The following PPP2R2C variants were observed in gnomAD, a reference collection of about 807,000 sequenced individuals.
PPP2R2C encodes protein phosphatase 2 regulatory subunit Bgamma.
Under a neutral mutation model 45.3 loss-of-function variants are expected in PPP2R2C, and 10 were observed. That is an observed-to-expected ratio of 0.22 (90% CI 0.14 to 0.37). The LOEUF (loss-of-function observed/expected upper bound fraction) is 0.37, where lower values mean the gene tolerates loss of function less well. Among genes scored for constraint, PPP2R2C ranks in the 10% least tolerant of loss-of-function variants. The probability of loss-of-function intolerance (pLI) is 1.00; values close to 1 mark genes in which losing one functional copy is unlikely to be tolerated. For missense variants in PPP2R2C, 308 were observed against 619.7 expected (o/e 0.50, Z 5.34); for synonymous variants, 257 against 245.4 (o/e 1.05, Z -0.44).
chr4:6,382,622 TTCTC>T lies in PPP2R2C; in HGVS notation c.71-1532_71-1529del, dbSNP rs71173437. ...CAGGCCCAAGCCTTGGAGTTTCTCG[TTCTC>T]TCTCTCTCTCTCTCTCTCTCTCTCT... is the stretch of plus-strand genomic sequence containing the variant. On this transcript the variant is annotated intron_variant, in intron 1 of 8. Transcript: ENST00000382599. 548 of 531,360 alleles carry T rather than the reference TTCTC, an allele frequency of 1.0e-3. 33 individuals are homozygous for T. Among genetic ancestry groups the T allele is most frequent in the African/African-American group, 3.2e-3 (112 of 35,242 alleles). The allele number at this position is 531,360 out of a possible 1,614,324, so 32.9% of individuals were successfully genotyped here.
At chr4:6,500,899 A>G (rs897219414) in intron 2 of PPP2R2C, among the ~76,000 whole-genome samples, 11 of 152,362 alleles carry the variant, frequency 7.2e-5, no homozygotes, top group African/African-American at 2.6e-4. Context: ...GAGTGGCCAC[A>G]TTAACCACAG....
intron 6 of PPP2R2C, among the ~76,000 whole-genome samples, chr4:6,342,133 TATATATACATAC>T (rs1272875417): frequency 1.4e-5 from 2 of 139,624 alleles, no homozygotes; most frequent in Non-Finnish European, 3.0e-5. Context: ...CACACATACA[TATATATACATAC>T]ATATATATAT....
intron 1 of PPP2R2C, among the ~76,000 whole-genome samples, chr4:6,560,607 C>T (rs1725543655): frequency 6.6e-6 from 1 of 152,200 alleles, no homozygotes; most frequent in South Asian, 2.1e-4. Context: ...TCCTACAAAG[C>T]ACCTCTCAGT....
At chr4:6,344,955 C>T (rs535945346) in intron 6 of PPP2R2C, among the ~76,000 whole-genome samples, 4 of 152,172 alleles carry the variant, frequency 2.6e-5, no homozygotes, top group Non-Finnish European at 5.9e-5. Context: ...AAAAGGACGC[C>T]GAATAGATTT....
chr4:6,470,599 C>T (rs1721816822), intron 1 of PPP2R2C, among the ~76,000 whole-genome samples: 1 of 152,200 alleles, frequency 6.6e-6, no homozygotes. Context: ...CGCTCTCGGC[C>T]CGAGCCAGGC....
intron 2 of PPP2R2C, among the ~76,000 whole-genome samples, chr4:6,504,071 G>A (rs1303661726): frequency 2.0e-5 from 3 of 152,194 alleles, no homozygotes; most frequent in Non-Finnish European, 2.9e-5. Context: ...CTACAACTGT[G>A]ATAGAAATCT....
chr4:6,415,089 C>T (rs1718481838), intron 1 of PPP2R2C, among the ~76,000 whole-genome samples: 1 of 152,222 alleles, frequency 6.6e-6, no homozygotes, highest in Admixed American at 6.5e-5. Context: ...CAAAAGGCCC[C>T]GTCCTCCCAC....
At chr4:6,393,667 G>T (rs1161397127) in intron 1 of PPP2R2C, among the ~76,000 whole-genome samples, 1 of 152,230 alleles carries the variant, frequency 6.6e-6, no homozygotes, top group Non-Finnish European at 1.5e-5. Flanking sequence ...CAAGGGACAG[G>T]GATCGGGGAG....
rs954584013 is a variant in PPP2R2C at position 6,330,020 on chromosome 4, C to G, written c.961-667G>C. Among the ~76,000 whole-genome samples the G allele has an allele frequency of 4.6e-5, 7 of 152,094 alleles. No individual in the cohort carries two copies. Among genetic ancestry groups the G allele is most frequent in the Admixed American group, 1.3e-4 (2 of 15,270 alleles). ...GAAGAGGGAACCCACAGAGGTTTCT[C>G]ATCCATCCACAGCACGAGGCACTGA... On this transcript the variant is annotated intron_variant, in intron 7 of 8. Coordinates refer to ENST00000382599, the MANE Select transcript of PPP2R2C (RefSeq NM_020416.4). The surrounding 1 kb of genome is among the most constrained non-coding windows in gnomAD (Gnocchi z 7.0).
At chr4:6,359,184 T>G (rs1336912376) in intron 5 of PPP2R2C, among the ~76,000 whole-genome samples, 1 of 152,248 alleles carries the variant, frequency 6.6e-6, no homozygotes, top group Non-Finnish European at 1.5e-5. Flanking sequence ...GATGAGTTCA[T>G]GTCCTTTGTA....
Position 6,364,795 on chromosome 4 carries a change from G to C in PPP2R2C, c.625+7728C>G, listed in dbSNP as rs367787363. On this transcript the variant is annotated intron_variant, in intron 5 of 8. Transcript: ENST00000382599. The surrounding 1 kb of genome is among the most constrained non-coding windows in gnomAD (Gnocchi z 5.3). Reference sequence around the variant, plus strand: ...TAGACCTAAGAAGGGAGGCCAGTCAGGTCACCATCATGATCAGAGTGAGAC... The same window carrying C: ...TAGACCTAAGAAGGGAGGCCAGTCACGTCACCATCATGATCAGAGTGAGAC... Among the ~76,000 whole-genome samples, 7 of 152,290 alleles carry C rather than the reference G, an allele frequency of 4.6e-5. No individual in the cohort carries two copies. In the East Asian group the frequency reaches 1.2e-3, roughly 25 times the overall value.
At chr4:6,460,227 C>A (rs189998429) in intron 1 of PPP2R2C, among the ~76,000 whole-genome samples, 6 of 152,278 alleles carry the variant, frequency 3.9e-5, no homozygotes, top group South Asian at 4.2e-4. Flanking sequence ...CAAAAAGGAC[C>A]TTTAACAAGG....
rs991908916 is a variant in PPP2R2C at position 6,331,851 on chromosome 4, G to A, written c.960+1711C>T. Among the ~76,000 whole-genome samples, 3 of 152,138 alleles carry A rather than the reference G, an allele frequency of 2.0e-5. No individual in the cohort carries two copies. The highest frequency in any genetic ancestry group is 2.9e-5 in the Non-Finnish European group (2 of 68,034). On this transcript the variant is annotated intron_variant, in intron 7 of 8. Transcript: ENST00000382599. This position sits in a 1 kb window ranked among gnomAD's most constrained non-coding sequence, Gnocchi z 5.9. Reference sequence around the variant, plus strand: ...CCTGTTGTGGGAGAAAAATAGCCCCGATTTGTTAAGCACCGCACACCAGCC... The same window carrying A: ...CCTGTTGTGGGAGAAAAATAGCCCCAATTTGTTAAGCACCGCACACCAGCC...
At chr4:6,414,206 AGCTAGAACTGGCG>A (rs1718408002) in intron 1 of PPP2R2C, among the ~76,000 whole-genome samples, 3 of 151,384 alleles carry the variant, frequency 2.0e-5, no homozygotes, top group African/African-American at 4.9e-5. Flanking sequence ...AACTGGCTGG[AGCTAGAACTGGCG>A]TGAGCTGGTA....
At chr4:6,410,111 G>T (rs145937539) in intron 1 of PPP2R2C, among the ~76,000 whole-genome samples, 5 of 152,268 alleles carry the variant, frequency 3.3e-5, no homozygotes, top group East Asian at 3.9e-4. Flanking sequence ...TCAGAAGCAG[G>T]ATCCCACACC....
chr4:6,338,645 T>C (rs1733186878), intron 6 of PPP2R2C, among the ~76,000 whole-genome samples: 1 of 152,068 alleles, frequency 6.6e-6, no homozygotes, highest in African/African-American at 2.4e-5. Context: ...TCCTTCTCAA[T>C]GGGTCCCAAC....
chr4:6,556,327 C>T (rs1467728262), intron 1 of PPP2R2C, among the ~76,000 whole-genome samples: 1 of 152,192 alleles, frequency 6.6e-6, no homozygotes, highest in Non-Finnish European at 1.5e-5. Flanking sequence ...TTCACTCTCT[C>T]TGTCTGTCTG....
At chr4:6,442,655 A>G (rs1720213147) in intron 1 of PPP2R2C, among the ~76,000 whole-genome samples, 1 of 152,174 alleles carries the variant, frequency 6.6e-6, no homozygotes, top group South Asian at 2.1e-4. Flanking sequence ...CGTGTTTTAT[A>G]TGAATTAACT....
At chr4:6,359,622 TG>T in intron 5 of PPP2R2C, among the ~76,000 whole-genome samples, 1 of 98,486 alleles carries the variant, frequency 1.0e-5, no homozygotes, top group Middle Eastern at 5.6e-3. Flanking sequence ...TTATTTCACC[TG>T]TAAAAAAAAA....
Sources: gnomAD v4.1 joint callset for allele counts (sites outside exome capture counted in the v4.1 genomes callset) on GRCh38, gnomAD v4.1.1 for gene constraint, Gnocchi (gnomAD v3.1) non-coding constraint, MANE v1.5 for transcripts, NCBI Gene and HGNC (gene_info 2026-07-23, HGNC 2026-07-21) for gene names.